HMGA2: variants seen among roughly 807,000 people sequenced by gnomAD.
HMGA2 encodes the protein high mobility group AT-hook 2, also known as high mobility group protein HMGI-C.
Under a neutral mutation model 19.1 loss-of-function variants are expected in HMGA2, and 8 were observed. The observed-to-expected ratio is 0.42, with a 90% CI of 0.25 to 0.76. The LOEUF is 0.76. Among genes scored for constraint, HMGA2 ranks in the 30% least tolerant of loss-of-function variants. HMGA2 has a pLI of 0.28. For missense variants in HMGA2, 109 were observed against 136.3 expected (o/e 0.80, Z 1.00); for synonymous variants, 60 against 48.8 (o/e 1.23, Z -0.96).
intron 3 of HMGA2, chr12:65,873,870 T>C (rs1872835283): frequency 1.3e-5 from 2 of 152,112 alleles, no homozygotes; most frequent in Non-Finnish European, 2.9e-5. Flanking sequence ...CACATGGAGG[T>C]TTAACATATG....
intron 3 of HMGA2, among the ~76,000 whole-genome samples, chr12:65,931,564 T>C (rs1184121356): frequency 2.0e-5 from 3 of 149,292 alleles, no homozygotes; most frequent in African/African-American, 7.3e-5. Flanking sequence ...TGTGTGTGTG[T>C]GTGTGTGTGT....
At chr12:65,881,897 C>T (rs757514066) in intron 3 of HMGA2, 2 of 702,358 alleles carry the variant, frequency 2.8e-6, no homozygotes, top group South Asian at 1.5e-5. Flanking sequence ...CCCGGTAGGT[C>T]CCGGAGTATG....
At chr12:65,863,825 G>A (rs1187861530) in intron 3 of HMGA2, among the ~76,000 whole-genome samples, 1 of 152,168 alleles carries the variant, frequency 6.6e-6, no homozygotes, top group Non-Finnish European at 1.5e-5. Flanking sequence ...GATGTTTCCA[G>A]GTAATTTGGC....
intron 4 of HMGA2, chr12:65,952,473 A>G: frequency 6.5e-7 from 1 of 1,530,664 alleles, no homozygotes; most frequent in South Asian, 1.2e-5. Flanking sequence ...ATCCAAGGAA[A>G]GTGTCTTCAA....
chr12:65,959,549 G>C (rs931447080), intron 4 of HMGA2, among the ~76,000 whole-genome samples: 1 of 152,162 alleles, frequency 6.6e-6, no homozygotes, highest in Non-Finnish European at 1.5e-5. Context: ...GAGCTTTTCG[G>C]TGTTTAGAGG....
intron 3 of HMGA2, among the ~76,000 whole-genome samples, chr12:65,839,476 T>C (rs1870900071): frequency 6.6e-6 from 1 of 151,716 alleles, no homozygotes; most frequent in Non-Finnish European, 1.5e-5. Context: ...TTAAAAAGAT[T>C]TTTTTTTTCT....
chr12:65,920,570 C>G (rs557303498), intron 3 of HMGA2, among the ~76,000 whole-genome samples: 1 of 152,270 alleles, frequency 6.6e-6, no homozygotes, highest in East Asian at 1.9e-4. Context: ...GTAACTGAAT[C>G]ATGGGGGCCA....
chr12:65,894,443 G>T (rs985879398), intron 3 of HMGA2, among the ~76,000 whole-genome samples: 1 of 152,106 alleles, frequency 6.6e-6, no homozygotes, highest in African/African-American at 2.4e-5. Context: ...CCTGAATCAG[G>T]GTCATTGAGA....
At chr12:65,840,957 G>T (rs1870969501) in intron 3 of HMGA2, among the ~76,000 whole-genome samples, 1 of 152,194 alleles carries the variant, frequency 6.6e-6, no homozygotes, top group East Asian at 1.9e-4. Context: ...CACCTCCATA[G>T]GTTAGAGTCC....
chr12:65,894,344 T>C (rs897758156), intron 3 of HMGA2, among the ~76,000 whole-genome samples: 3 of 152,224 alleles, frequency 2.0e-5, no homozygotes, highest in Non-Finnish European at 4.4e-5. Context: ...CATTCTTATC[T>C]TTTAGAAGAT....
chr12:65,932,415 T>C (rs981832965), intron 3 of HMGA2, among the ~76,000 whole-genome samples: 3 of 152,278 alleles, frequency 2.0e-5, no homozygotes, highest in African/African-American at 7.2e-5. Context: ...ATCATATTCT[T>C]TCATTCTTTC....
intron 2 of HMGA2, 127 bp from the exon 3 acceptor site, chr12:65,838,392 A>G (rs1027235874): frequency 1.4e-6 from 1 of 692,900 alleles, no homozygotes; most frequent in Non-Finnish European, 2.4e-6. Context: ...GTTAAAAAAA[A>G]CAAAAAAAAA....
chr12:65,924,010 C>CAAAAA (rs1467397736), intron 3 of HMGA2, among the ~76,000 whole-genome samples: 1 of 151,810 alleles, frequency 6.6e-6, no homozygotes, highest in African/African-American at 2.4e-5. Flanking sequence ...AACCCCATCT[C>CAAAAA]AAAAAAACAA....
chr12:65,867,764 C>G (rs1482042631), intron 3 of HMGA2: 1 of 219,770 alleles, frequency 4.6e-6, no homozygotes, highest in Admixed American at 4.5e-5. Context: ...AACGTATTAA[C>G]ACATAAAGCT....
At chr12:65,943,081 A>C (rs191429779) in intron 3 of HMGA2, among the ~76,000 whole-genome samples, 3 of 152,274 alleles carry the variant, frequency 2.0e-5, no homozygotes, top group Non-Finnish European at 2.9e-5. Flanking sequence ...AAAAAATATT[A>C]ATCTAAAATT....
intron 3 of HMGA2, among the ~76,000 whole-genome samples, chr12:65,887,832 C>T (rs1253394224): frequency 6.6e-6 from 1 of 150,456 alleles, no homozygotes; most frequent in Non-Finnish European, 1.5e-5. Flanking sequence ...AGGAGCTTTA[C>T]AGTAAGATAT....
intron 3 of HMGA2, among the ~76,000 whole-genome samples, chr12:65,861,164 G>A (rs752772153): frequency 2.0e-5 from 3 of 152,144 alleles, no homozygotes; most frequent in Admixed American, 6.5e-5. Flanking sequence ...TCTGGAGTTC[G>A]AGACCATCCT....
chr12:65,867,562 A>G (rs1415458745), intron 3 of HMGA2: 1 of 446,458 alleles, frequency 2.2e-6, no homozygotes, highest in East Asian at 7.0e-5. Flanking sequence ...ATACTGACAA[A>G]TCAGTTGGAC....
intron 3 of HMGA2, among the ~76,000 whole-genome samples, chr12:65,950,087 C>T (rs1424895880): frequency 6.6e-6 from 1 of 152,132 alleles, no homozygotes; most frequent in African/African-American, 2.4e-5. Flanking sequence ...ATTGGAACTC[C>T]AGATTCATTG....
Sources: allele counts gnomAD v4.1 joint callset (sites outside exome capture counted in the v4.1 genomes callset), GRCh38; gene constraint gnomAD v4.1.1; transcripts MANE v1.5; gene names NCBI Gene and HGNC (gene_info 2026-07-23, HGNC 2026-07-21).